GLG1: variants seen among roughly 807,000 people sequenced by gnomAD.
The protein encoded by GLG1 is golgi glycoprotein 1, also known as Golgi apparatus protein 1.
GLG1 carries 38 observed loss-of-function variants against 160.5 expected under a neutral mutation model. The ratio of observed to expected loss-of-function variants is 0.24; its 90% CI spans 0.18 to 0.31. The LOEUF (loss-of-function observed/expected upper bound fraction) is 0.31, where lower values mean the gene tolerates loss of function less well. Among genes scored for constraint, GLG1 ranks in the 10% least tolerant of loss-of-function variants. The probability of loss-of-function intolerance (pLI) is 1.00; values close to 1 mark genes in which losing one functional copy is unlikely to be tolerated. For missense variants in GLG1, 1,373 were observed against 1,505.2 expected (o/e 0.91, Z 1.45); for synonymous variants, 644 against 543.4 (o/e 1.19, Z -2.57).
intron 2 of GLG1, among the ~76,000 whole-genome samples, chr16:74,510,070 T>C (rs1456079497): frequency 6.6e-6 from 1 of 150,852 alleles, no homozygotes; most frequent in Non-Finnish European, 1.5e-5. Context: ...TCCCTCTTAT[T>C]GCCCAGGCTG....
At chr16:74,471,490 G>A (rs1009002361) in intron 14 of GLG1, among the ~76,000 whole-genome samples, 4 of 152,094 alleles carry the variant, frequency 2.6e-5, no homozygotes, top group African/African-American at 7.2e-5. Context: ...ACTGTGTTCC[G>A]TATAAGACAT....
intron 2 of GLG1, among the ~76,000 whole-genome samples, chr16:74,511,086 G>A (rs1352713833): frequency 1.3e-5 from 2 of 152,130 alleles, no homozygotes; most frequent in African/African-American, 4.8e-5. Context: ...GGCCAGATCA[G>A]AAAGCCTTTG....
intron 1 of GLG1, among the ~76,000 whole-genome samples, chr16:74,555,167 G>A (rs2018318871): frequency 6.6e-6 from 1 of 152,078 alleles, no homozygotes; most frequent in African/African-American, 2.4e-5. Context: ...CACTATGGTG[G>A]TGTTAAAAAT....
Position 74,576,884 on chromosome 16 carries a change from A to G in GLG1, c.438+29773T>C, listed in dbSNP as rs565277307. On this transcript the variant is annotated intron_variant, in intron 1 of 25. Transcript: ENST00000422840. ...AATATTTTTATTTTTACCTCTTGGA[A>G]GAAACCATGTACCCTGCATATAAAT... 6.6e-4 allele frequency among the ~76,000 whole-genome samples: 100 copies of G among 152,116 alleles called. 3 individuals are homozygous for G. In the South Asian group the frequency reaches 0.019, roughly 29 times the overall value.
intron 1 of GLG1, among the ~76,000 whole-genome samples, chr16:74,567,524 G>A (rs1306192452): frequency 6.7e-6 from 1 of 149,124 alleles, no homozygotes; most frequent in South Asian, 2.1e-4. Context: ...TGCTTCCTGT[G>A]CTGAAACCTT....
chr16:74,527,895 T>C (rs1248673639), intron 2 of GLG1, among the ~76,000 whole-genome samples: 4 of 150,326 alleles, frequency 2.7e-5, no homozygotes, highest in Non-Finnish European at 5.9e-5. Flanking sequence ...CTTTTTTTTT[T>C]TTTTTTTGAG....
Position 74,607,079 on chromosome 16 carries a change from G to C in GLG1, c.16C>G (p.Arg6Gly), listed in dbSNP as rs1257521637. 1.3e-6 allele frequency: 2 copies of C among 1,556,278 alleles called. No homozygotes were observed. Among genetic ancestry groups the C allele is most frequent in the Admixed American group, 1.9e-5 (1 of 52,446 alleles). MAACG[R>G]VRRMFRLSAA... Reference sequence around the variant, plus strand: ...GACAAGCGGAACATCCTCCGTACACGTCCACACGCCGCCATCTTGAGTCCG... The same window carrying C: ...GACAAGCGGAACATCCTCCGTACACCTCCACACGCCGCCATCTTGAGTCCG... The change falls in exon 1 of 26, where the codon CGT becomes GGT. Residue 6 changes from arginine (R) to glycine (G), a missense_variant. Physicochemically the swap from Arg to Gly is moderately radical, Grantham distance 125. Around this residue, in one of 4 missense-constraint regions of GLG1, gnomAD observed 322 missense variants for 254.6 expected, o/e 1.26. Coordinates refer to ENST00000422840, the MANE Select transcript of GLG1 (RefSeq NM_001145667.2).
At chr16:74,581,535 A>T (rs956206944) in intron 1 of GLG1, among the ~76,000 whole-genome samples, 5 of 11,804 alleles carry the variant, frequency 4.2e-4, no homozygotes, top group Non-Finnish European at 7.0e-4. Flanking sequence ...TGTAAGATTT[A>T]AAAAAAAAAA....
chr16:74,555,426 C>G (rs2018324930), intron 1 of GLG1, among the ~76,000 whole-genome samples: 1 of 152,118 alleles, frequency 6.6e-6, no homozygotes, highest in Non-Finnish European at 1.5e-5. Context: ...GTGGCTCACA[C>G]CTATAATCCC....
intron 6 of GLG1, among the ~76,000 whole-genome samples, chr16:74,493,394 C>G (rs2016073263): frequency 6.6e-6 from 1 of 152,182 alleles, no homozygotes; most frequent in South Asian, 2.1e-4. Context: ...TAGCAGCTAT[C>G]CAAAACATGT....
chr16:74,493,176 T>G (rs1415741478), intron 6 of GLG1, 36 bp from the exon 7 acceptor site: 42 of 1,467,714 alleles, frequency 2.9e-5, no homozygotes, highest in Non-Finnish European at 3.6e-5. Context: ...GTGAGACCAC[T>G]CATGTAACTT....
intron 25 of GLG1, among the ~76,000 whole-genome samples, chr16:74,453,734 G>T (rs1200426649): frequency 1.3e-5 from 2 of 152,198 alleles, no homozygotes; most frequent in African/African-American, 4.8e-5. Flanking sequence ...GTGCCCAGGG[G>T]TGAGTGTGGT....
At chr16:74,453,617 A>T (rs1033300819) in intron 25 of GLG1, among the ~76,000 whole-genome samples, 1 of 152,158 alleles carries the variant, frequency 6.6e-6, no homozygotes, top group African/African-American at 2.4e-5. Flanking sequence ...GACACTGAAG[A>T]TGTGTCGGGC....
At chr16:74,511,241 T>C (rs927590371) in intron 2 of GLG1, among the ~76,000 whole-genome samples, 28 of 152,100 alleles carry the variant, frequency 1.8e-4, no homozygotes, top group African/African-American at 6.5e-4. Context: ...CAGTTAATTC[T>C]GTATGAGTGC....
At chr16:74,570,855 T>C (rs1044569788) in intron 1 of GLG1, among the ~76,000 whole-genome samples, 6 of 152,154 alleles carry the variant, frequency 3.9e-5, no homozygotes, top group Admixed American at 2.6e-4. Flanking sequence ...GCCACTGCAT[T>C]CCAGCTTGGA....
intron 15 of GLG1, among the ~76,000 whole-genome samples, 190 bp from the exon 16 acceptor site, chr16:74,470,263 C>G (rs529581548): frequency 4.5e-4 from 68 of 151,542 alleles, no homozygotes; most frequent in African/African-American, 1.4e-3. Flanking sequence ...TTCCTTCCTT[C>G]CTTCCCTCCC....
intron 1 of GLG1, among the ~76,000 whole-genome samples, chr16:74,543,940 T>C (rs953661368): frequency 1.7e-4 from 26 of 152,312 alleles, no homozygotes; most frequent in Middle Eastern, 3.4e-3. Context: ...TTGACTCCAA[T>C]TGATTGCAAA....
chr16:74,565,537 C>G (rs1392271508), intron 1 of GLG1, among the ~76,000 whole-genome samples: 1 of 152,224 alleles, frequency 6.6e-6, no homozygotes, highest in Non-Finnish European at 1.5e-5. Flanking sequence ...AGCAGCCATA[C>G]TTCACTCATA....
At chr16:74,498,724 G>T (rs2016301618) in intron 4 of GLG1, among the ~76,000 whole-genome samples, 1 of 149,692 alleles carries the variant, frequency 6.7e-6, no homozygotes, top group Non-Finnish European at 1.5e-5. Flanking sequence ...AATTAGGTGG[G>T]TGTGGTGACA....
Sources: allele counts gnomAD v4.1 joint callset (sites outside exome capture counted in the v4.1 genomes callset), GRCh38; gene constraint gnomAD v4.1.1; regional missense constraint gnomAD v4.1.1; transcripts MANE v1.5; gene names NCBI Gene and HGNC (gene_info 2026-07-23, HGNC 2026-07-21).